The following AOAH variants were observed in gnomAD, a reference collection of about 807,000 sequenced individuals.
AOAH encodes the protein acyloxyacyl hydrolase (neutrophil).
Under a neutral mutation model 92.2 loss-of-function variants are expected in AOAH, and 64 were observed. That is an observed-to-expected ratio of 0.69 (90% CI 0.57 to 0.86). The LOEUF (loss-of-function observed/expected upper bound fraction) is 0.86. Ranked by LOEUF, AOAH falls within the 40% of genes least tolerant of loss-of-function variation. The probability of loss-of-function intolerance (pLI) is 0.00; values close to 1 mark genes in which losing one functional copy is unlikely to be tolerated. For synonymous variants in AOAH, 263 were observed against 254.5 expected, an observed-to-expected ratio of 1.03 and a Z score of -0.32; for missense variants, 656 against 694.6, an observed-to-expected ratio of 0.94 and a Z score of 0.62.
At chr7:36,591,571 T>C (rs1789746889) in intron 12 of AOAH, among the ~76,000 whole-genome samples, 1 of 152,196 alleles carries the variant, frequency 6.6e-6, no homozygotes, top group Non-Finnish European at 1.5e-5. Context: ...CCTTACCCCA[T>C]TGCCATGCTT....
intron 1 of AOAH, among the ~76,000 whole-genome samples, chr7:36,705,747 A>G (rs1798361764): frequency 6.6e-6 from 1 of 152,148 alleles, no homozygotes. Flanking sequence ...CTACAAGGCT[A>G]TAGGGCTACA....
chr7:36,569,878 G>T (rs899299007), intron 13 of AOAH, among the ~76,000 whole-genome samples: 1 of 152,100 alleles, frequency 6.6e-6, no homozygotes, highest in Non-Finnish European at 1.5e-5. Context: ...CTCCCAAAGT[G>T]CTGGGATTAT....
chr7:36,639,238 A>G (rs1447896649), intron 4 of AOAH, among the ~76,000 whole-genome samples: 13 of 152,224 alleles, frequency 8.5e-5, no homozygotes, highest in Non-Finnish European at 2.9e-5. Context: ...GTATAAATTA[A>G]GATTCTCTGG....
At chr7:36,705,271 T>C (rs538133358) in intron 1 of AOAH, among the ~76,000 whole-genome samples, 99 of 152,322 alleles carry the variant, frequency 6.5e-4, no homozygotes, top group African/African-American at 2.0e-3. Flanking sequence ...CTTAAGCTGA[T>C]AAGCAACTTC....
intron 12 of AOAH, among the ~76,000 whole-genome samples, chr7:36,579,690 G>A (rs2116667444): frequency 6.6e-6 from 1 of 152,250 alleles, no homozygotes; most frequent in Non-Finnish European, 1.5e-5. Flanking sequence ...TGTAGCCTGG[G>A]AGGCCAGGCC....
chr7:36,525,896 A>C (rs1179118477), intron 19 of AOAH, among the ~76,000 whole-genome samples: 3 of 152,170 alleles, frequency 2.0e-5, no homozygotes, highest in Non-Finnish European at 4.4e-5. Context: ...CAATCCCATA[A>C]TTGTGGGGAT....
chr7:36,625,730 T>A (rs1792616882), intron 6 of AOAH, among the ~76,000 whole-genome samples: 1 of 152,170 alleles, frequency 6.6e-6, no homozygotes, highest in Non-Finnish European at 1.5e-5. Context: ...TCCACCCCCA[T>A]GATCACCCAC....
chr7:36,590,032 A>T (rs1381482343), intron 12 of AOAH, among the ~76,000 whole-genome samples: 2 of 151,950 alleles, frequency 1.3e-5, no homozygotes, highest in African/African-American at 4.8e-5. Flanking sequence ...CAATCTCAGC[A>T]ATCTCAAACT....
intron 19 of AOAH, among the ~76,000 whole-genome samples, chr7:36,529,248 A>G (rs921598976): frequency 3.3e-5 from 5 of 152,130 alleles, no homozygotes; most frequent in East Asian, 3.9e-4. Flanking sequence ...AAAAAGTCCC[A>G]TGTGAGTGTT....
chr7:36,560,826 T>C (rs1485598410), intron 13 of AOAH, among the ~76,000 whole-genome samples: 1 of 152,212 alleles, frequency 6.6e-6, no homozygotes, highest in Admixed American at 6.5e-5. Context: ...TCAAGGGAAA[T>C]GCTGCCTAGG....
intron 19 of AOAH, among the ~76,000 whole-genome samples, chr7:36,528,129 C>T (rs1474627479): frequency 6.6e-6 from 1 of 152,040 alleles, no homozygotes; most frequent in Non-Finnish European, 1.5e-5. Context: ...AGTGGGGTGC[C>T]CACTAACTTC....
chr7:36,591,178 A>G (rs1789718404), intron 12 of AOAH, among the ~76,000 whole-genome samples: 1 of 152,228 alleles, frequency 6.6e-6, no homozygotes, highest in South Asian at 2.1e-4. Context: ...ACACAGAAAC[A>G]GCTGGCAAAA....
chr7:36,637,993 G>T, intron 4 of AOAH, 83 bp from the exon 5 acceptor site: 2 of 1,166,148 alleles, frequency 1.7e-6, no homozygotes, highest in South Asian at 1.4e-5. Context: ...GATATTTAAA[G>T]TCCATAAGTT....
chr7:36,686,818 T>C lies in AOAH; in HGVS notation c.128-24A>G, dbSNP rs144387529. 8.6e-5 allele frequency: 127 copies of C among 1,478,498 alleles called. No homozygotes were observed. In the African/African-American group the frequency reaches 1.6e-3, roughly 18 times the overall value. The allele number at this position is 1,478,498 out of a possible 1,614,324, so 91.6% of individuals were successfully genotyped here. A position where few individuals can be genotyped will look rare whatever the true frequency, so the allele number is the denominator to read the frequency against. ...CCCTGCCAGGGAGGAGAAGAACATG[T>C]AATCTGTGTCACACAGAAAACTGAA... On this transcript the variant is annotated intron_variant, in intron 1 of 20. Transcript: ENST00000617537.
chr7:36,677,495 C>T (rs773830192), intron 2 of AOAH, among the ~76,000 whole-genome samples: 4 of 152,150 alleles, frequency 2.6e-5, no homozygotes, highest in Non-Finnish European at 5.9e-5. Context: ...GCAATGTAAA[C>T]TCGTGCAGCC....
At chr7:36,551,912 T>C (rs1317646414) in intron 13 of AOAH, among the ~76,000 whole-genome samples, 1 of 152,212 alleles carries the variant, frequency 6.6e-6, no homozygotes, top group Non-Finnish European at 1.5e-5. Flanking sequence ...ATTATTTTAA[T>C]TTCAACTTTT....
chr7:36,546,315 C>A (rs1785796587), intron 15 of AOAH, among the ~76,000 whole-genome samples: 1 of 152,230 alleles, frequency 6.6e-6, no homozygotes, highest in Non-Finnish European at 1.5e-5. Context: ...GCTGCTTGAG[C>A]TTTTTATAAA....
At chr7:36,603,560 A>G (rs915340744) in intron 11 of AOAH, among the ~76,000 whole-genome samples, 3 of 152,176 alleles carry the variant, frequency 2.0e-5, no homozygotes, top group Non-Finnish European at 4.4e-5. Flanking sequence ...CTTTTTCTGT[A>G]AAGGAATAGA....
intron 12 of AOAH, among the ~76,000 whole-genome samples, chr7:36,584,504 G>A (rs192508530): frequency 3.3e-3 from 496 of 152,044 alleles, no homozygotes; most frequent in African/African-American, 0.012. Flanking sequence ...TCACTTCTTA[G>A]CAAATCTCTT....
Sources: gnomAD v4.1 joint callset for allele counts (sites outside exome capture counted in the v4.1 genomes callset) on GRCh38, gnomAD v4.1.1 for gene constraint, MANE v1.5 for transcripts, NCBI Gene and HGNC (gene_info 2026-07-23, HGNC 2026-07-21) for gene names.